The following LPP variants were observed in gnomAD, a reference collection of about 807,000 sequenced individuals.
The protein encoded by LPP is LIM domain containing preferred translocation partner in lipoma.
In LPP, 38 loss-of-function variants were observed where a neutral mutation model predicts 60.4. The observed-to-expected ratio is 0.63, with a 90% CI of 0.49 to 0.83. The LOEUF is 0.83. Ranked by LOEUF, LPP falls within the 40% of genes least tolerant of loss-of-function variation. The pLI is 0.00. For synonymous variants in LPP, 328 were observed against 290.8 expected (o/e 1.13, Z -1.30); for missense variants, 902 against 783.6 (o/e 1.15, Z -1.80).
At chr3:188,168,745 C>A (rs1720733694) in intron 1 of LPP, among the ~76,000 whole-genome samples, 1 of 152,154 alleles carries the variant, frequency 6.6e-6, no homozygotes, top group Admixed American at 6.5e-5. Flanking sequence ...CCATAACTAT[C>A]TTGTTTAAAG....
intron 3 of LPP, among the ~76,000 whole-genome samples, chr3:188,353,721 G>T (rs1766647252): frequency 6.6e-6 from 1 of 152,128 alleles, no homozygotes; most frequent in African/African-American, 2.4e-5. Context: ...AGAATTATGG[G>T]GCCTCAGGTT....
In LPP at chr3:188,886,952, G is replaced by A. The variant is rs1000308298; in HGVS notation, c.*12473G>A. 7 of 231,122 alleles carry A rather than the reference G, an allele frequency of 3.0e-5. No individual in the cohort carries two copies. Among genetic ancestry groups the A allele is most frequent in the Non-Finnish European group, 5.1e-5 (6 of 116,830 alleles). 14.3% of individuals were successfully genotyped at this position (231,122 alleles called of 1,614,324 possible). On this transcript the variant is annotated 3_prime_UTR_variant, in exon 12 of 12. Coordinates refer to ENST00000617246, the MANE Select transcript of LPP (RefSeq NM_001375462.1). ...AAAATATGCCAAAGCAATTTGAGGT[G>A]GGGGTGGAAACAGGTATTTATCTCT...
At chr3:188,518,366 T>C (rs1288669260) in intron 5 of LPP, among the ~76,000 whole-genome samples, 1 of 152,198 alleles carries the variant, frequency 6.6e-6, no homozygotes, top group Non-Finnish European at 1.5e-5. Flanking sequence ...AAAAGAAAAG[T>C]TGTATGTAAA....
chr3:188,870,762 C>T (rs1255575677), intron 10 of LPP, among the ~76,000 whole-genome samples: 2 of 152,182 alleles, frequency 1.3e-5, no homozygotes, highest in East Asian at 3.8e-4. Flanking sequence ...ATCGGAGGAA[C>T]ACTGTGGGGA....
chr3:188,159,345 A>T (rs1717495038), intron 1 of LPP, among the ~76,000 whole-genome samples: 1 of 152,206 alleles, frequency 6.6e-6, no homozygotes, highest in African/African-American at 2.4e-5. Flanking sequence ...GGCCACTCAC[A>T]GATAAAAGCA....
At position 188,799,998 on chromosome 3, in the gene LPP, T is replaced by C. The variant is rs569855827; in HGVS notation, c.1410+39716T>C. Reference sequence around the variant, plus strand: ...GTGCGTATGTATACACACACAGTAGTACACACATTGTTCTGCACCTTGCTT... The same window carrying C: ...GTGCGTATGTATACACACACAGTAGCACACACATTGTTCTGCACCTTGCTT... On this transcript the variant is annotated intron_variant, in intron 9 of 11. Coordinates refer to ENST00000617246, the MANE Select transcript of LPP (RefSeq NM_001375462.1). 1.4e-4 allele frequency among the ~76,000 whole-genome samples: 21 copies of C among 152,286 alleles called. No homozygotes were observed. The South Asian group carries it at 4.1e-3, about 30-fold the overall frequency.
chr3:188,760,230 G>C lies in LPP; in HGVS notation c.1358G>C (p.Gly453Ala). Reference protein sequence around the residue: ...TCIICNNKLRGQPFYAVEKKA... With the variant: ...TCIICNNKLRAQPFYAVEKKA... ...ATCATCTGCAACAACAAGCTCCGAG[G>C]GCAGCCATTCTATGCTGTGGAAAAG... is the stretch of plus-strand genomic sequence containing the variant. The change falls in exon 9 of 12, where the codon GGG becomes GCG. Residue 453 changes from glycine (G) to alanine (A), a missense_variant. Physicochemically the swap from Gly to Ala is moderately conservative, Grantham distance 60. Transcript: ENST00000617246. The C allele has an allele frequency of 1.9e-6, 3 of 1,614,106 alleles. No homozygotes were observed. The South Asian group carries it at 3.3e-5, about 18-fold the overall frequency.
chr3:188,826,508 G>C (rs1560259892), intron 9 of LPP, among the ~76,000 whole-genome samples: 1 of 152,134 alleles, frequency 6.6e-6, no homozygotes, highest in Non-Finnish European at 1.5e-5. Context: ...ATGATATCTA[G>C]ATATCTTAGA....
chr3:188,193,102 A>T (rs1051876674), intron 1 of LPP, among the ~76,000 whole-genome samples: 1 of 152,142 alleles, frequency 6.6e-6, no homozygotes, highest in East Asian at 1.9e-4. Flanking sequence ...AATCAATAAC[A>T]TGTTCCTGGT....
intron 7 of LPP, among the ~76,000 whole-genome samples, chr3:188,623,294 A>G (rs187796214): frequency 2.8e-5 from 4 of 142,270 alleles, no homozygotes; most frequent in African/African-American, 5.2e-5. Context: ...GCGTCACTCT[A>G]TCTCCCAGGC....
At chr3:188,373,234 G>A (rs1283889027) in intron 3 of LPP, among the ~76,000 whole-genome samples, 2 of 152,274 alleles carry the variant, frequency 1.3e-5, no homozygotes, top group South Asian at 2.1e-4. Flanking sequence ...TAATGGGATG[G>A]CTGGGTCAAA....
intron 2 of LPP, among the ~76,000 whole-genome samples, chr3:188,318,753 CTTTTTTTT>C (rs10708836): frequency 2.2e-4 from 21 of 96,834 alleles, no homozygotes; most frequent in South Asian, 7.1e-4. Flanking sequence ...AATTATGATT[CTTTTTTTT>C]TTTTTTTTTT....
intron 7 of LPP, among the ~76,000 whole-genome samples, chr3:188,613,957 C>A (rs1275870098): frequency 1.4e-5 from 2 of 138,784 alleles, no homozygotes; most frequent in East Asian, 4.1e-4. Flanking sequence ...AGAGGGAGTC[C>A]CATTCTGTCA....
intron 9 of LPP, among the ~76,000 whole-genome samples, chr3:188,844,356 C>T (rs942743839): frequency 3.3e-5 from 5 of 152,196 alleles, no homozygotes; most frequent in African/African-American, 1.2e-4. Flanking sequence ...TTTAATACTT[C>T]CTCTCCTCCT....
rs1417449831 is a variant in LPP, at chr3:188,448,273, AC to A, written c.194-36315del. Among the ~76,000 whole-genome samples the A allele has an allele frequency of 2.9e-5, 4 of 138,030 alleles. No individual in the cohort carries two copies. In the South Asian group the frequency reaches 9.5e-4, roughly 33 times the overall value. 90.6% of individuals were successfully genotyped at this position (138,030 alleles called of 152,430 possible). ...CAAACTCCCTTTTGAGTTTTCCTTC[AC>A]CCCGTCTTTGTAATGGAGATAATAT... On this transcript the variant is annotated intron_variant, in intron 4 of 11. Coordinates refer to ENST00000617246, the MANE Select transcript of LPP (RefSeq NM_001375462.1).
At chr3:188,563,458 A>ATGTGTGTGTGTGTGTGTGTGTG (rs966931196) in intron 6 of LPP, among the ~76,000 whole-genome samples, 71 of 76,068 alleles carry the variant, frequency 9.3e-4, no homozygotes, top group African/African-American at 3.3e-3. Flanking sequence ...ATTTACATAT[A>ATGTGTGTGTGTGTGTGTGTGTG]TATGTGTGTG....
chr3:188,806,903 G>T (rs1749316296), intron 9 of LPP, among the ~76,000 whole-genome samples: 1 of 151,594 alleles, frequency 6.6e-6, no homozygotes, highest in Non-Finnish European at 1.5e-5. Context: ...TACTAATTTT[G>T]CTTTAGAATG....
chr3:188,326,695 A>G lies in LPP; in HGVS notation c.-66-14968A>G, dbSNP rs151271359. Among the ~76,000 whole-genome samples, 891 of 152,230 alleles carry G rather than the reference A, an allele frequency of 5.9e-3. 7 individuals carry two copies. Among genetic ancestry groups the G allele is most frequent in the African/African-American group, 0.02 (835 of 41,520 alleles). On this transcript the variant is annotated intron_variant, in intron 2 of 11. Coordinates refer to ENST00000617246, the MANE Select transcript of LPP (RefSeq NM_001375462.1). ...AATGAAACTGGGCCTTACTAATATA[A>G]CTAGTTTAATGATTAGTTTCTTTAT...
intron 2 of LPP, among the ~76,000 whole-genome samples, chr3:188,253,419 A>G (rs138211906): frequency 9.7e-4 from 147 of 152,330 alleles, no homozygotes; most frequent in Middle Eastern, 3.4e-3. Context: ...GTTTGTGTGT[A>G]ACATAATGAA....
Sources: allele counts gnomAD v4.1 joint callset (sites outside exome capture counted in the v4.1 genomes callset), GRCh38; gene constraint gnomAD v4.1.1; transcripts MANE v1.5; gene names NCBI Gene and HGNC (gene_info 2026-07-23, HGNC 2026-07-21).